The following ERC1 variants were observed in gnomAD, a reference collection of about 807,000 sequenced individuals.
The protein encoded by ERC1 is ELKS/RAB6-interacting/CAST family member 1.
Under a neutral mutation model 132.0 loss-of-function variants are expected in ERC1, and 56 were observed. The observed-to-expected ratio is 0.42, with a 90% CI of 0.34 to 0.53. ERC1 has a LOEUF of 0.53. Ranked by LOEUF, ERC1 falls within the 20% of genes least tolerant of loss-of-function variation. The pLI, the probability that ERC1 is intolerant of heterozygous loss-of-function variation, is 0.03. For missense variants in ERC1, 1,202 were observed against 1,349.9 expected, an observed-to-expected ratio of 0.89 and a Z score of 1.72; for synonymous variants, 478 against 476.1, an observed-to-expected ratio of 1.00 and a Z score of -0.05.
chr12:1,433,495 A>G (rs927705420), intron 17 of ERC1, among the ~76,000 whole-genome samples: 2 of 152,358 alleles, frequency 1.3e-5, no homozygotes, highest in African/African-American at 4.8e-5. Context: ...CATAGAATGT[A>G]GAGCACTGAA....
chr12:1,217,542 C>T (rs1958540321), intron 12 of ERC1, among the ~76,000 whole-genome samples: 1 of 152,130 alleles, frequency 6.6e-6, no homozygotes, highest in Non-Finnish European at 1.5e-5. Context: ...AGTAAACCTG[C>T]CTCTAAATGT....
chr12:1,074,718 T>C (rs1296330403), intron 2 of ERC1, among the ~76,000 whole-genome samples: 1 of 152,246 alleles, frequency 6.6e-6, no homozygotes, highest in Admixed American at 6.5e-5. Flanking sequence ...TCTTGCTACT[T>C]AGATTTATGT....
At chr12:1,384,341 G>T (rs1264847324) in intron 16 of ERC1, among the ~76,000 whole-genome samples, 2 of 152,210 alleles carry the variant, frequency 1.3e-5, no homozygotes, top group African/African-American at 4.8e-5. Context: ...CTGTACAGCA[G>T]AGGAGAGGGT....
chr12:1,027,647 G>T lies in ERC1; in HGVS notation c.-156-101G>T. ...ATTCTGAATGCGTGAGTACATACAT[G>T]GTAGAAGGGCTAGATCTTCTTTAAG... On this transcript the variant is annotated intron_variant, in intron 1 of 18. Transcript: ENST00000360905. 4 of 486,778 alleles carry T rather than the reference G, an allele frequency of 8.2e-6. No individual in the cohort carries two copies. The South Asian group carries it at 1.3e-4, about 16-fold the overall frequency. The allele number at this position is 486,778 out of a possible 1,614,324, so 30.2% of individuals were successfully genotyped here.
At chr12:1,126,760 C>T (rs1348064662) in intron 7 of ERC1, among the ~76,000 whole-genome samples, 2 of 151,750 alleles carry the variant, frequency 1.3e-5, no homozygotes, top group African/African-American at 4.8e-5. Context: ...GAGGCTGAAG[C>T]GGGCGGATCA....
intron 14 of ERC1, among the ~76,000 whole-genome samples, chr12:1,264,958 T>G (rs1016407737): frequency 3.9e-5 from 6 of 152,158 alleles, no homozygotes; most frequent in South Asian, 4.1e-4. Context: ...GTTTCTTTTG[T>G]GTCAAGTATA....
intron 12 of ERC1, among the ~76,000 whole-genome samples, chr12:1,225,449 T>TAAAACACACACACACAC (rs139203394): frequency 9.3e-4 from 123 of 131,836 alleles, no homozygotes; most frequent in South Asian, 1.8e-3. Flanking sequence ...GGCTGTCTCT[T>TAAAACACACACACACAC]ACACACACAC....
chr12:1,213,836 G>A (rs138378293), intron 12 of ERC1, among the ~76,000 whole-genome samples: 5,913 of 151,314 alleles, frequency 0.039, 395 homozygotes, highest in African/African-American at 0.13. Context: ...CCCAGGAGGC[G>A]GAGGTTGCAG....
chr12:1,130,728 A>G (rs1948682482), intron 7 of ERC1, among the ~76,000 whole-genome samples: 1 of 59,714 alleles, frequency 1.7e-5, no homozygotes, highest in South Asian at 8.0e-4. Context: ...AGTATGGGGT[A>G]TCAAACAGAG....
At chr12:1,017,339 A>T (rs1159577807) in intron 1 of ERC1, among the ~76,000 whole-genome samples, 3 of 152,024 alleles carry the variant, frequency 2.0e-5, no homozygotes, top group Non-Finnish European at 4.4e-5. Context: ...TTGTGATGTG[A>T]ATAGTAGTGA....
At position 1,028,139 on chromosome 12, in the gene ERC1, A is replaced by G; in HGVS notation, c.236A>G (p.Asn79Ser). The change falls in exon 2 of 19, where the codon AAT (asparagine) becomes AGT (serine). Residue 79 changes from asparagine (N) to serine (S), a missense_variant. Asn to Ser is a conservative substitution (Grantham distance 46). Coordinates refer to ENST00000360905, the MANE Select transcript of ERC1 (RefSeq NM_178040.4). ...SGPMYLSDHE[N>S]VGSETPKSTM... is the part of the protein sequence containing the mutation. ...CCTATGTATCTAAGTGACCATGAAA[A>G]TGTGGGTTCAGAAACACCTAAAAGC... The G allele has an allele frequency of 6.2e-7, 1 of 1,614,170 alleles. No homozygotes were observed. Among genetic ancestry groups the G allele is most frequent in the African/African-American group, 1.3e-5 (1 of 75,038 alleles).
intron 12 of ERC1, among the ~76,000 whole-genome samples, chr12:1,193,851 C>T (rs938678973): frequency 3.3e-5 from 5 of 152,152 alleles, no homozygotes; most frequent in Non-Finnish European, 7.4e-5. Context: ...CAGCAAACTA[C>T]CTTCACAAGC....
At chr12:1,410,941 C>T (rs2091810854) in intron 17 of ERC1, among the ~76,000 whole-genome samples, 1 of 151,732 alleles carries the variant, frequency 6.6e-6, no homozygotes, top group African/African-American at 2.4e-5. Context: ...GAACTAAAAC[C>T]TCCTTTTGTT....
intron 15 of ERC1, among the ~76,000 whole-genome samples, chr12:1,338,071 A>G (rs531757081): frequency 7.2e-5 from 11 of 152,236 alleles, no homozygotes; most frequent in African/African-American, 2.6e-4. Flanking sequence ...TTGAATTTGC[A>G]TATTAGTCTC....
chr12:1,238,945 C>T (rs1023722063), intron 13 of ERC1, among the ~76,000 whole-genome samples: 3 of 151,876 alleles, frequency 2.0e-5, no homozygotes, highest in Admixed American at 1.3e-4. Context: ...TGATAGATAC[C>T]AAAGTTATGA....
intron 2 of ERC1, among the ~76,000 whole-genome samples, chr12:1,041,199 G>GTC (rs1039036412): frequency 5.6e-4 from 81 of 144,318 alleles, no homozygotes; most frequent in Non-Finnish European, 2.1e-4. Context: ...AGTTTTGCAA[G>GTC]TCTCTCTTTC....
At position 1,394,171 on chromosome 12, in the gene ERC1, C is replaced by T. The variant is rs182084811; in HGVS notation, c.2926-13978C>T. Among the ~76,000 whole-genome samples the T allele has an allele frequency of 3.7e-3, 564 of 151,752 alleles. 4 individuals are homozygous for T. The highest frequency in any genetic ancestry group is 0.013 in the African/African-American group (517 of 41,358). ...ATCCCAGCACTTTGGGAGGCCAAGG[C>T]GGGCAGATCACGAGGTCAGGAGATC... On this transcript the variant is annotated intron_variant, in intron 16 of 18. Coordinates refer to ENST00000360905, the MANE Select transcript of ERC1 (RefSeq NM_178040.4).
intron 18 of ERC1, among the ~76,000 whole-genome samples, chr12:1,483,152 G>C (rs1267583587): frequency 3.3e-5 from 5 of 152,128 alleles, no homozygotes; most frequent in Non-Finnish European, 4.4e-5. Context: ...ACAAAAATTA[G>C]CCAGGTGTAG....
At chr12:1,284,264 T>TAGTGTG in intron 14 of ERC1, among the ~76,000 whole-genome samples, 1 of 92,208 alleles carries the variant, frequency 1.1e-5, no homozygotes. Flanking sequence ...TGAATAGTAT[T>TAGTGTG]CGTGTGTGTG....
Sources: gnomAD v4.1 joint callset for allele counts (sites outside exome capture counted in the v4.1 genomes callset) on GRCh38, gnomAD v4.1.1 for gene constraint, MANE v1.5 for transcripts, NCBI Gene and HGNC (gene_info 2026-07-23, HGNC 2026-07-21) for gene names.